Variants in NYAP2 observed in about 807,000 individuals in gnomAD.
The protein encoded by NYAP2 is neuronal tyrosine-phosphorylated phosphoinositide-3-kinase adaptor 2.
Under a neutral mutation model 50.4 loss-of-function variants are expected in NYAP2, and 23 were observed. The observed-to-expected ratio is 0.46, with a 90% confidence interval of 0.33 to 0.65. The LOEUF (loss-of-function observed/expected upper bound fraction) is 0.65, where lower values mean the gene tolerates loss of function less well. Among genes scored for constraint, NYAP2 ranks in the 30% least tolerant of loss-of-function variants. The probability of loss-of-function intolerance (pLI) is 0.02; values close to 1 mark genes in which losing one functional copy is unlikely to be tolerated. For synonymous variants in NYAP2, 394 were observed against 365.2 expected (o/e 1.08, Z -0.90); for missense variants, 885 against 861.0 (o/e 1.03, Z -0.35).
chr2:225,452,526 A>G (rs1223625122), intron 3 of NYAP2, among the ~76,000 whole-genome samples: 1 of 152,130 alleles, frequency 6.6e-6, no homozygotes, highest in South Asian at 2.1e-4. Context: ...CTTCCTCTGT[A>G]ACTTCTTCAC....
chr2:225,657,518 A>G (rs1208717976), downstream of NYAP2, among the ~76,000 whole-genome samples: 1 of 151,826 alleles, frequency 6.6e-6, no homozygotes. Flanking sequence ...AGAATCAAGC[A>G]GAAAAACAAA....
chr2:225,523,321 C>T (rs1691098163), intron 4 of NYAP2, among the ~76,000 whole-genome samples: 1 of 148,896 alleles, frequency 6.7e-6, no homozygotes, highest in South Asian at 2.1e-4. Context: ...CTAGAAAAAC[C>T]TAAAGATACC....
intron 5 of NYAP2, among the ~76,000 whole-genome samples, chr2:225,607,623 T>C (rs1692810889): frequency 6.6e-6 from 1 of 152,118 alleles, no homozygotes; most frequent in South Asian, 2.1e-4. Context: ...GTTATAAAGA[T>C]TTTATAACCC....
chr2:225,682,499 T>C, the NYAP2 span, among the ~76,000 whole-genome samples: 6 of 152,210 alleles, frequency 3.9e-5, no homozygotes, highest in Non-Finnish European at 8.8e-5. Context: ...TCCATTGTCT[T>C]GATTTTAATT....
intron 3 of NYAP2, among the ~76,000 whole-genome samples, chr2:225,484,430 A>G (rs775592207): frequency 2.0e-5 from 3 of 152,236 alleles, no homozygotes; most frequent in African/African-American, 7.2e-5. Flanking sequence ...GTGTTAAGAC[A>G]TAGTTTATCA....
intron 3 of NYAP2, among the ~76,000 whole-genome samples, chr2:225,483,463 G>C (rs887884026): frequency 1.3e-5 from 2 of 152,152 alleles, no homozygotes; most frequent in African/African-American, 4.8e-5. Context: ...TTCTTACTCA[G>C]TTCTACAGCT....
At chr2:225,597,681 T>A (rs1692629606) in intron 5 of NYAP2, among the ~76,000 whole-genome samples, 1 of 150,692 alleles carries the variant, frequency 6.6e-6, no homozygotes, top group Non-Finnish European at 1.5e-5. Context: ...TACCCAGTAG[T>A]GGGAATGCTG....
chr2:225,447,765 T>A (rs1574619994), intron 3 of NYAP2, among the ~76,000 whole-genome samples: 1 of 152,258 alleles, frequency 6.6e-6, no homozygotes, highest in Middle Eastern at 3.4e-3. Context: ...ATGGTAAAAT[T>A]GATGTCTTCT....
chr2:225,475,013 A>T (rs1298741066), intron 3 of NYAP2, among the ~76,000 whole-genome samples: 2 of 152,226 alleles, frequency 1.3e-5, no homozygotes, highest in African/African-American at 4.8e-5. Flanking sequence ...CAGTTCTAGG[A>T]AGATCAGTAT....
chr2:225,424,955 G>A (rs538650888), intron 3 of NYAP2, among the ~76,000 whole-genome samples: 5 of 152,146 alleles, frequency 3.3e-5, no homozygotes, highest in African/African-American at 1.2e-4. Context: ...GATTGAGTTC[G>A]TTTCCATCAT....
intron 2 of NYAP2, among the ~76,000 whole-genome samples, chr2:225,404,930 A>T (rs925224117): frequency 1.2e-4 from 18 of 151,972 alleles, no homozygotes; most frequent in African/African-American, 4.3e-4. Context: ...GTGCCTTCCC[A>T]GGAGGGTCCC....
intron 3 of NYAP2, among the ~76,000 whole-genome samples, chr2:225,417,874 G>A (rs1396099358): frequency 6.6e-6 from 1 of 152,060 alleles, no homozygotes; most frequent in Non-Finnish European, 1.5e-5. Context: ...GGGATAAGAT[G>A]GTGAACAGAA....
intron 3 of NYAP2, among the ~76,000 whole-genome samples, chr2:225,496,878 G>A (rs1690516185): frequency 6.6e-6 from 1 of 152,100 alleles, no homozygotes; most frequent in Non-Finnish European, 1.5e-5. Flanking sequence ...ATACTATAAT[G>A]AGACCAACTA....
chr2:225,591,683 G>T (rs962003089), intron 5 of NYAP2, among the ~76,000 whole-genome samples: 1 of 152,064 alleles, frequency 6.6e-6, no homozygotes, highest in Non-Finnish European at 1.5e-5. Flanking sequence ...AGTCACATGG[G>T]GAGTAAATCT....
At chr2:225,507,319 G>T (rs533776405) in intron 3 of NYAP2, among the ~76,000 whole-genome samples, 1 of 152,284 alleles carries the variant, frequency 6.6e-6, no homozygotes, top group Admixed American at 6.5e-5. Flanking sequence ...TCTCACCTCA[G>T]CAGCTCACCT....
At chr2:225,548,543 C>T (rs940574085) in intron 4 of NYAP2, among the ~76,000 whole-genome samples, 1 of 151,676 alleles carries the variant, frequency 6.6e-6, no homozygotes, top group African/African-American at 2.4e-5. Flanking sequence ...GTCAAGTGTC[C>T]TGAAACTCTA....
chr2:225,574,563 T>G (rs144397662), intron 4 of NYAP2, among the ~76,000 whole-genome samples: 1 of 152,350 alleles, frequency 6.6e-6, no homozygotes, highest in East Asian at 1.9e-4. Context: ...CCTTTAAAAG[T>G]TTTGGGGCCC....
intron 4 of NYAP2, among the ~76,000 whole-genome samples, chr2:225,573,254 T>C (rs1456541052): frequency 2.4e-4 from 36 of 148,376 alleles, no homozygotes; most frequent in Non-Finnish European, 1.5e-5. Flanking sequence ...TTATTTCTTT[T>C]TTTTTTTTTT....
At position 225,582,698 on chromosome 2, in the gene NYAP2, T is replaced by C. The variant is rs1241131940; in HGVS notation, c.1281T>C (p.His427=). The change falls in exon 5 of 7, where the codon CAT becomes CAC. Residue 427 remains histidine (H), a synonymous_variant. Transcript: ENST00000636099. The surrounding 1 kb of genome is among the most constrained non-coding windows in gnomAD (Gnocchi z 7.0). ...CGCTGTACCGAACCCAGTCTCCCCA[T>C]GGCTACCCTAAAAGTCACTCCACCT... 2.5e-6 allele frequency: 4 copies of C among 1,602,508 alleles called. No individual in the cohort carries two copies. In the African/African-American group the frequency reaches 4.0e-5, roughly 16 times the overall value.
Sources: gnomAD v4.1 joint callset for allele counts (sites outside exome capture counted in the v4.1 genomes callset) on GRCh38, gnomAD v4.1.1 for gene constraint, Gnocchi (gnomAD v3.1) non-coding constraint, MANE v1.5 for transcripts, NCBI Gene and HGNC (gene_info 2026-07-23, HGNC 2026-07-21) for gene names.